TENM2: variants seen among roughly 807,000 people sequenced by gnomAD.
The protein encoded by TENM2 is teneurin transmembrane protein 2.
In TENM2, 52 loss-of-function variants were observed where a neutral mutation model predicts 245.2. The observed-to-expected ratio is 0.21, with a 90% CI of 0.17 to 0.27. The LOEUF (loss-of-function observed/expected upper bound fraction) is 0.27, where lower values mean the gene tolerates loss of function less well. Among genes scored for constraint, TENM2 ranks in the 10% least tolerant of loss-of-function variants. The pLI, the probability that TENM2 is intolerant of heterozygous loss-of-function variation, is 1.00. For missense variants in TENM2, 3,046 were observed against 3,666.8 expected (o/e 0.83, Z 4.37); for synonymous variants, 1,363 against 1,438.9 (o/e 0.95, Z 1.19).
the TENM2 span, among the ~76,000 whole-genome samples, chr5:167,250,330 C>T: frequency 1.6e-4 from 24 of 150,558 alleles, no homozygotes; most frequent in South Asian, 2.1e-4. Flanking sequence ...CATAAAAAGA[C>T]GAAAAAAACA....
At chr5:167,418,715 A>G (rs1763310279) in intron 2 of TENM2, among the ~76,000 whole-genome samples, 1 of 152,162 alleles carries the variant, frequency 6.6e-6, no homozygotes, top group Non-Finnish European at 1.5e-5. Flanking sequence ...TGTTCCATAA[A>G]AAATGTCAAG....
chr5:168,022,338 G>A (rs372959120), intron 5 of TENM2, among the ~76,000 whole-genome samples: 1 of 152,200 alleles, frequency 6.6e-6, no homozygotes, highest in Non-Finnish European at 1.5e-5. Context: ...GAAGTTGACA[G>A]ATTGTGAACA....
At chr5:168,254,072 A>C (rs1036884668) in intron 27 of TENM2, among the ~76,000 whole-genome samples, 1 of 152,194 alleles carries the variant, frequency 6.6e-6, no homozygotes, top group African/African-American at 2.4e-5. Flanking sequence ...CCTCCTTCTC[A>C]CATCATCCTC....
chr5:167,048,891 T>C, the TENM2 span, among the ~76,000 whole-genome samples: 4 of 152,212 alleles, frequency 2.6e-5, no homozygotes, highest in Non-Finnish European at 5.9e-5. Context: ...TACTTTGATT[T>C]GTTTTCCTTT....
At chr5:167,144,276 A>T in the TENM2 span, among the ~76,000 whole-genome samples, 674 of 152,272 alleles carry the variant, frequency 4.4e-3, 7 homozygotes, top group African/African-American at 0.014. Context: ...TACTCTTCTG[A>T]CAATCACGGA....
the TENM2 span, among the ~76,000 whole-genome samples, chr5:167,055,838 A>G: frequency 1.3e-5 from 2 of 152,036 alleles, no homozygotes; most frequent in East Asian, 3.8e-4. Flanking sequence ...TTCCACATAG[A>G]TGATCATGCT....
intron 2 of TENM2, among the ~76,000 whole-genome samples, chr5:167,399,616 A>C (rs1030063380): frequency 2.0e-5 from 3 of 152,130 alleles, no homozygotes; most frequent in African/African-American, 7.2e-5. Flanking sequence ...TCTGGGTGTA[A>C]AGCTCAGTTT....
In TENM2 at chr5:167,952,604, C is replaced by T. The variant is rs369921503; in HGVS notation, c.729C>T (p.His243=). Residue 243 remains histidine, a synonymous_variant, in exon 4 of 29, where the codon CAC becomes CAT. Coordinates refer to ENST00000518659, the Ensembl canonical transcript of TENM2. ...TTTTTTCAGGCCCTCCGAACCACCA[C>T]AGCCAGTCGACTCTGAGGCCCCCTC... 7.4e-5 allele frequency: 120 copies of T among 1,611,564 alleles called. 2 individuals carry two copies. The Middle Eastern group carries it at 2.1e-3, about 29-fold the overall frequency.
Position 167,513,851 on chromosome 5 carries a change from G to A in TENM2, c.502+138378G>A, listed in dbSNP as rs146807244. Among the ~76,000 whole-genome samples the A allele has an allele frequency of 5.1e-4, 77 of 152,232 alleles. No individual in the cohort carries two copies. In the East Asian group the frequency reaches 0.011, roughly 21 times the overall value. On this transcript the variant is annotated intron_variant, in intron 2 of 28. Transcript: ENST00000518659. ...TTGTTAGCTGTGCTATCGAGTTGGCGAGCAGTCATCATCCTGCTGACTAAG... is the reference window on the plus strand; with the variant it reads ...TTGTTAGCTGTGCTATCGAGTTGGCAAGCAGTCATCATCCTGCTGACTAAG...
the TENM2 span, among the ~76,000 whole-genome samples, chr5:167,109,106 T>G: frequency 6.6e-6 from 1 of 152,208 alleles, no homozygotes; most frequent in Non-Finnish European, 1.5e-5. Flanking sequence ...TTGCTGAGTT[T>G]TTGACTTTTT....
intron 2 of TENM2, among the ~76,000 whole-genome samples, chr5:167,511,392 C>T (rs1380380624): frequency 1.3e-5 from 2 of 152,100 alleles, no homozygotes; most frequent in Admixed American, 6.6e-5. Flanking sequence ...GAACACAGAA[C>T]ATTCCTCCTC....
At chr5:168,135,668 T>A (rs1754987092) in intron 12 of TENM2, among the ~76,000 whole-genome samples, 1 of 152,086 alleles carries the variant, frequency 6.6e-6, no homozygotes, top group Non-Finnish European at 1.5e-5. Flanking sequence ...ATAATTAGAA[T>A]GGATTAAATT....
rs183742310 is a variant in TENM2, at chr5:167,505,225, T to C, written c.502+129752T>C. On this transcript the variant is annotated intron_variant, in intron 2 of 28. Coordinates refer to ENST00000518659, the Ensembl canonical transcript of TENM2. ...ATGTTTGATATTCAAACCGATGTTA[T>C]CATTTTCTTGGTTTGCATGTGGAAA... Among the ~76,000 whole-genome samples the C allele has an allele frequency of 2.8e-3, 429 of 152,338 alleles. 3 individuals carry two copies. Among genetic ancestry groups the C allele is most frequent in the African/African-American group, 9.7e-3 (404 of 41,592 alleles).
intron 2 of TENM2, among the ~76,000 whole-genome samples, chr5:167,826,571 C>T (rs1348059051): frequency 6.6e-6 from 1 of 152,210 alleles, no homozygotes; most frequent in Non-Finnish European, 1.5e-5. Context: ...TTTTCAAAAA[C>T]ACTTTTTCTG....
intron 2 of TENM2, among the ~76,000 whole-genome samples, chr5:167,494,303 G>A (rs1768640252): frequency 6.6e-6 from 1 of 151,966 alleles, no homozygotes; most frequent in Non-Finnish European, 1.5e-5. Context: ...AGAAGAAAAG[G>A]TGTAAAAAAA....
chr5:167,105,423 A>G, the TENM2 span, among the ~76,000 whole-genome samples: 86 of 152,144 alleles, frequency 5.7e-4, no homozygotes, highest in Admixed American at 1.0e-3. Context: ...CTCCTGAGGA[A>G]TTTTAACTTA....
At chr5:167,402,896 T>C (rs1180136480) in intron 2 of TENM2, among the ~76,000 whole-genome samples, 1 of 152,126 alleles carries the variant, frequency 6.6e-6, no homozygotes, top group East Asian at 1.9e-4. Context: ...TGATGCAATG[T>C]GAAATCATTT....
intron 4 of TENM2, among the ~76,000 whole-genome samples, chr5:167,992,680 A>T (rs1301604625): frequency 6.6e-6 from 1 of 152,222 alleles, no homozygotes; most frequent in East Asian, 1.9e-4. Context: ...ACAGTCATTC[A>T]GTTTCCATAT....
chr5:166,991,957 T>G, the TENM2 span, among the ~76,000 whole-genome samples: 3 of 152,068 alleles, frequency 2.0e-5, no homozygotes, highest in Non-Finnish European at 4.4e-5. Context: ...GAAAAAAAAA[T>G]TTAAATGTTT....
Sources: gnomAD v4.1 joint callset for allele counts (sites outside exome capture counted in the v4.1 genomes callset) on GRCh38, gnomAD v4.1.1 for gene constraint, MANE v1.5 for transcripts, NCBI Gene and HGNC (gene_info 2026-07-23, HGNC 2026-07-21) for gene names.